ARID2: variants seen among roughly 807,000 people sequenced by gnomAD.
ARID2 encodes AT-rich interactive domain-containing protein 2.
In ARID2, 32 loss-of-function variants were observed where a neutral mutation model predicts 184.6. The ratio of observed to expected loss-of-function variants is 0.17; its 90% CI spans 0.13 to 0.23. The LOEUF (loss-of-function observed/expected upper bound fraction) is 0.23. Among genes scored for constraint, ARID2 ranks in the 10% least tolerant of loss-of-function variants. The probability of loss-of-function intolerance (pLI) is 1.00; values close to 1 mark genes in which losing one functional copy is unlikely to be tolerated. For synonymous variants in ARID2, 836 were observed against 772.6 expected, an observed-to-expected ratio of 1.08 and a Z score of -1.36; for missense variants, 1,696 against 2,197.6, an observed-to-expected ratio of 0.77 and a Z score of 4.56.
chr12:45,732,660 A>T (rs1471003710), intron 3 of ARID2, among the ~76,000 whole-genome samples: 1 of 152,208 alleles, frequency 6.6e-6, no homozygotes, highest in East Asian at 1.9e-4. Context: ...TATTGAGAGG[A>T]ACATGTTAAT....
Position 45,852,906 on chromosome 12 carries a change from T to C in ARID2, c.4773+10T>C, listed in dbSNP as rs1436576687. 1 of 1,547,374 alleles carries C rather than the reference T, an allele frequency of 6.5e-7. No homozygotes were observed. The highest frequency in any genetic ancestry group is 1.2e-5 in the South Asian group (1 of 80,680). On this transcript the variant is annotated intron_variant, in intron 15 of 20. Coordinates refer to ENST00000334344, the MANE Select transcript of ARID2 (RefSeq NM_152641.4). ...GAATGTGGTCCCGCAGGTAAGTTAT[T>C]CCATGATCACATTTCTCTTATGAAA...
chr12:45,898,534 C>T (rs1209424679), intron 20 of ARID2, among the ~76,000 whole-genome samples: 1 of 152,138 alleles, frequency 6.6e-6, no homozygotes, highest in Admixed American at 6.5e-5. Flanking sequence ...TATTGGGTTT[C>T]TTTTAAAGAT....
chr12:45,780,043 AC>A lies in ARID2; in HGVS notation c.285-31374del, dbSNP rs571424031. ...TCTTACAAGGATTGTGAAAGTTAAT[AC>A]ATGTAAAGTACTTACTTAGCAGATT... is the stretch of plus-strand genomic sequence containing the variant. On this transcript the variant is annotated intron_variant, in intron 3 of 20. Coordinates refer to ENST00000334344, the MANE Select transcript of ARID2 (RefSeq NM_152641.4). 4.6e-5 allele frequency among the ~76,000 whole-genome samples: 7 copies of A among 152,360 alleles called. No individual in the cohort carries two copies. The South Asian group carries it at 1.2e-3, about 27-fold the overall frequency.
chr12:45,812,784 A>C (rs888719379), intron 4 of ARID2, among the ~76,000 whole-genome samples: 10 of 152,208 alleles, frequency 6.6e-5, no homozygotes, highest in Non-Finnish European at 7.3e-5. Flanking sequence ...ATGTTGTGCT[A>C]ATGACCTTTA....
In ARID2 at chr12:45,844,068, G is replaced by A. The variant is rs184866880; in HGVS notation, c.1499-2788G>A. On this transcript the variant is annotated intron_variant, in intron 11 of 20. Transcript: ENST00000334344. Reference sequence around the variant, plus strand: ...TTTTTTTTGAGAAAGGGTCTCACTCGGTCACCCAGACTGCAGTGCAGGGGC... The same window carrying A: ...TTTTTTTTGAGAAAGGGTCTCACTCAGTCACCCAGACTGCAGTGCAGGGGC... Among the ~76,000 whole-genome samples the A allele has an allele frequency of 2.5e-3, 375 of 151,726 alleles. 1 individual carries two copies. Among genetic ancestry groups the A allele is most frequent in the African/African-American group, 8.6e-3 (354 of 41,334 alleles).
At chr12:45,779,973 C>A (rs746463551) in intron 3 of ARID2, among the ~76,000 whole-genome samples, 23 of 152,102 alleles carry the variant, frequency 1.5e-4, no homozygotes, top group Non-Finnish European at 2.8e-4. Flanking sequence ...TGTCTAACTT[C>A]TAGGCCTCAG....
intron 16 of ARID2, among the ~76,000 whole-genome samples, chr12:45,886,187 G>A (rs1026343858): frequency 2.0e-5 from 3 of 151,456 alleles, no homozygotes; most frequent in Non-Finnish European, 4.4e-5. Flanking sequence ...TTCCAAATGG[G>A]AGAAATTGGC....
At chr12:45,818,989 C>T (rs914160447) in intron 5 of ARID2, among the ~76,000 whole-genome samples, 1 of 152,116 alleles carries the variant, frequency 6.6e-6, no homozygotes, top group Non-Finnish European at 1.5e-5. Context: ...TGGCTTTTCA[C>T]ATCACTTTTA....
chr12:45,845,366 T>C (rs1943423167), intron 11 of ARID2, among the ~76,000 whole-genome samples: 2 of 152,236 alleles, frequency 1.3e-5, no homozygotes, highest in East Asian at 1.9e-4. Context: ...GAAAAATTAT[T>C]TTTGTTCTAA....
rs755263489 is a variant in ARID2 at position 45,850,358 on chromosome 12, G to T, written c.2235G>T (p.Gln745His). 7 of 1,614,090 alleles carry T rather than the reference G, an allele frequency of 4.3e-6. No individual in the cohort carries two copies. The Admixed American group carries it at 1.0e-4, about 23-fold the overall frequency. The change falls in exon 15 of 21, where the codon CAG (glutamine) becomes CAT (histidine). Residue 745 changes from glutamine to histidine, a missense_variant. This residue lies in a region of ARID2 where 713 missense variants were observed against 824.4 expected (regional missense o/e 0.86). Transcript: ENST00000334344. ...GGGPPQSSVV[Q>H]NHSTGPQPVT... ...GACCTCCACAGAGTTCTGTTGTTCAGAATCATAGTACAGGGCCACAACCTG... is the reference window on the plus strand; with the variant it reads ...GACCTCCACAGAGTTCTGTTGTTCATAATCATAGTACAGGGCCACAACCTG...
chr12:45,775,412 A>G (rs1428930035), intron 3 of ARID2, among the ~76,000 whole-genome samples: 1 of 152,212 alleles, frequency 6.6e-6, no homozygotes, highest in Non-Finnish European at 1.5e-5. Context: ...TGGTTAGGGC[A>G]TCCTTATCAC....
At chr12:45,807,468 TGAGA>T (rs1281384966) in intron 3 of ARID2, among the ~76,000 whole-genome samples, 1 of 152,156 alleles carries the variant, frequency 6.6e-6, no homozygotes, top group Admixed American at 6.5e-5. Context: ...TAAAAAAATC[TGAGA>T]GAGATTTGGT....
chr12:45,851,189 A>C lies in ARID2; in HGVS notation c.3066A>C (p.Pro1022=), dbSNP rs748660514. The C allele has an allele frequency of 2.5e-6, 4 of 1,613,930 alleles. No individual in the cohort carries two copies. In the African/African-American group the frequency reaches 5.3e-5, roughly 22 times the overall value. Residue 1022 remains proline, a synonymous_variant, in exon 15 of 21, where the codon CCA becomes CCC. Transcript: ENST00000334344. ...AGCAGCAACATTCACCAGCACCCCC[A>C]CCACAGCAGGTACAAGTACAAGTTC... The part of the protein sequence containing the change: ...QQQQQHSPAP[P]PQQVQVQVQQ...
chr12:45,872,103 A>T, intron 16 of ARID2, among the ~76,000 whole-genome samples: 1 of 150,426 alleles, frequency 6.6e-6, no homozygotes, highest in Non-Finnish European at 1.5e-5. Flanking sequence ...CTTTCTGTTG[A>T]TTTCCTGTTT....
chr12:45,860,221 C>G (rs1943719729), intron 15 of ARID2, among the ~76,000 whole-genome samples: 1 of 152,154 alleles, frequency 6.6e-6, no homozygotes, highest in South Asian at 2.1e-4. Flanking sequence ...CCGACCCTGT[C>G]TCTAAAAATA....
chr12:45,819,465 CA>C (rs2138096099), intron 5 of ARID2, among the ~76,000 whole-genome samples: 1 of 152,162 alleles, frequency 6.6e-6, no homozygotes, highest in African/African-American at 2.4e-5. Context: ...TTTTATATGA[CA>C]AAAATAATTC....
At chr12:45,778,784 G>A (rs1942034839) in intron 3 of ARID2, among the ~76,000 whole-genome samples, 1 of 151,784 alleles carries the variant, frequency 6.6e-6, no homozygotes, top group Non-Finnish European at 1.5e-5. Flanking sequence ...GGAAAATAAT[G>A]GGCTGTTTTT....
chr12:45,862,624 G>A (rs1189151117), intron 16 of ARID2, among the ~76,000 whole-genome samples: 6 of 152,104 alleles, frequency 3.9e-5, no homozygotes, highest in Non-Finnish European at 7.4e-5. Context: ...CAGGAGGATC[G>A]CTTGAACCTA....
chr12:45,871,243 T>C (rs1396897295), intron 16 of ARID2, among the ~76,000 whole-genome samples: 1 of 152,354 alleles, frequency 6.6e-6, no homozygotes, highest in South Asian at 2.1e-4. Context: ...ATTTACCATA[T>C]GTATATCTTT....
Sources: allele counts gnomAD v4.1 joint callset (sites outside exome capture counted in the v4.1 genomes callset), GRCh38; gene constraint gnomAD v4.1.1; regional missense constraint gnomAD v4.1.1; transcripts MANE v1.5; gene names NCBI Gene and HGNC (gene_info 2026-07-23, HGNC 2026-07-21).